Variants in C5 observed in about 807,000 individuals in gnomAD.
C5 encodes the protein C3 and PZP-like alpha-2-macroglobulin domain-containing protein 4.
A neutral mutation model predicts 218.8 loss-of-function variants in C5; 140 were observed. That is an observed-to-expected ratio of 0.64 (90% CI 0.56 to 0.74). The LOEUF (loss-of-function observed/expected upper bound fraction) is 0.74, where lower values mean the gene tolerates loss of function less well. C5 is among the 30% of genes least tolerant of loss of function. The probability of loss-of-function intolerance (pLI) is 0.00; values close to 1 mark genes in which losing one functional copy is unlikely to be tolerated. For missense variants in C5, 1,700 were observed against 1,969.6 expected (o/e 0.86, Z 2.59); for synonymous variants, 614 against 682.3 (o/e 0.90, Z 1.56).
intron 25 of C5, among the ~76,000 whole-genome samples, chr9:120,983,755 T>G (rs908875334): frequency 2.6e-4 from 39 of 151,876 alleles, no homozygotes; most frequent in African/African-American, 9.4e-4. Flanking sequence ...GAGGCTGCAG[T>G]AAGCTGAGAT....
At chr9:121,054,908 T>G (rs1001621668), upstream of C5, among the ~76,000 whole-genome samples, 1 of 152,100 alleles carries the variant, frequency 6.6e-6, no homozygotes, top group African/African-American at 2.4e-5. Context: ...CGTTTGCCAT[T>G]GATTCTCTCG....
Position 121,050,266 on chromosome 9 carries a change from C to T in C5, c.-20G>A. The T allele has an allele frequency of 6.3e-7, 1 of 1,596,396 alleles. No homozygotes were observed. Among genetic ancestry groups the T allele is most frequent in the South Asian group, 1.1e-5 (1 of 90,714 alleles). Reference sequence around the variant, plus strand: ...GCCCATGGTTGGAGGTAGCAGGAAACCACGGATATAACACTTTTGAGGATA... The same window carrying T: ...GCCCATGGTTGGAGGTAGCAGGAAATCACGGATATAACACTTTTGAGGATA... On this transcript the variant is annotated 5_prime_UTR_variant, in exon 1 of 41. Transcript: ENST00000223642.
intron 2 of C5, among the ~76,000 whole-genome samples, chr9:121,043,559 CACTT>C (rs2047599354): frequency 6.6e-6 from 1 of 151,872 alleles, no homozygotes; most frequent in Non-Finnish European, 1.5e-5. Context: ...GACGGAGTCT[CACTT>C]ACTCTGTTGC....
chr9:121,025,421 C>CACAT, intron 9 of C5, 33 bp downstream of exon 9: 1 of 1,428,096 alleles, frequency 7.0e-7, no homozygotes. Flanking sequence ...AGAAAGTATA[C>CACAT]ACACACACAC....
In C5 at chr9:121,014,149, C is replaced by CCAAGG; in HGVS notation, c.2060-80_2060-79insCCTTG. The CCAAGG allele has an allele frequency of 2.3e-6, 3 of 1,297,212 alleles. No homozygotes were observed. The South Asian group carries it at 3.6e-5, about 16-fold the overall frequency. 80.4% of individuals were successfully genotyped at this position (1,297,212 alleles called of 1,614,324 possible). ...GGCTTAGAAGGAATCTCAAGGGATA[C>CCAAGG]CTGGTTTCTGTTGCTATATGATCCC... On this transcript the variant is annotated intron_variant, in intron 16 of 40. Coordinates refer to ENST00000223642, the MANE Select transcript of C5 (RefSeq NM_001735.3).
intron 7 of C5, among the ~76,000 whole-genome samples, chr9:121,029,829 G>C (rs891174319): frequency 6.6e-6 from 1 of 152,178 alleles, no homozygotes; most frequent in Non-Finnish European, 1.5e-5. Flanking sequence ...AAGCTAGCCT[G>C]CTGGATGATG....
the C5 span, among the ~76,000 whole-genome samples, chr9:121,071,817 C>G: frequency 3.3e-5 from 5 of 151,764 alleles, no homozygotes; most frequent in African/African-American, 7.3e-5. Flanking sequence ...AACTGGGTTG[C>G]AAAAAGCTGA....
intron 30 of C5, 41 bp from the exon 31 acceptor site, chr9:120,972,033 C>T (rs1211666854): frequency 6.6e-7 from 1 of 1,521,140 alleles, no homozygotes; most frequent in Non-Finnish European, 9.1e-7. Context: ...TTTCTTTCAT[C>T]ATTTGATAGG....
chr9:120,978,370 A>T (rs1310425735), intron 28 of C5, among the ~76,000 whole-genome samples: 1 of 152,158 alleles, frequency 6.6e-6, no homozygotes, highest in Admixed American at 6.5e-5. Context: ...CCTTCCTCTC[A>T]GAGTCTCAGA....
chr9:121,048,475 G>T (rs1156598407), intron 1 of C5, among the ~76,000 whole-genome samples: 1 of 152,212 alleles, frequency 6.6e-6, no homozygotes, highest in Non-Finnish European at 1.5e-5. Context: ...AATGCCTGAT[G>T]ATCTGAAGTG....
intron 26 of C5, 49 bp from the exon 27 acceptor site, chr9:120,981,988 G>T: frequency 3.3e-6 from 4 of 1,228,792 alleles, no homozygotes; most frequent in Non-Finnish European, 3.6e-6. Context: ...TGTCTTTAAG[G>T]CGAAATGACC....
At chr9:121,003,103 C>T (rs1403055066) in intron 20 of C5, among the ~76,000 whole-genome samples, 1 of 152,112 alleles carries the variant, frequency 6.6e-6, no homozygotes, top group Non-Finnish European at 1.5e-5. Context: ...CCAGCCTGGA[C>T]CACATGGTGA....
At chr9:121,018,511 T>C (rs180795837) in intron 12 of C5, among the ~76,000 whole-genome samples, 1 of 149,480 alleles carries the variant, frequency 6.7e-6, no homozygotes, top group Non-Finnish European at 1.5e-5. Flanking sequence ...GAGGCAGAGG[T>C]TGCAGTGAGT....
Position 121,046,355 on chromosome 9 carries a change from G to A in C5, c.94C>T (p.Arg32Cys), listed in dbSNP as rs972803297. ...ACAATATTTTCAGATGCTCCAACAC[G>A]GAATATTTTTGGTGCTGAAATGACA... ...TYVISAPKIF[R>C]VGASENIVIQ... is the part of the protein sequence containing the mutation. Residue 32 changes from arginine to cysteine, a missense_variant, in exon 2 of 41, where the codon CGT becomes TGT. Coordinates refer to ENST00000223642, the MANE Select transcript of C5 (RefSeq NM_001735.3). The A allele has an allele frequency of 2.3e-5, 37 of 1,611,780 alleles. No homozygotes were observed. The Admixed American group carries it at 3.8e-4, about 17-fold the overall frequency.
chr9:120,994,673 T>C (rs979391435), intron 22 of C5, among the ~76,000 whole-genome samples: 1 of 152,156 alleles, frequency 6.6e-6, no homozygotes, highest in Admixed American at 6.5e-5. Flanking sequence ...TTTCCCTCTT[T>C]AGCTCTGCAG....
intron 20 of C5, chr9:120,999,845 A>C: frequency 2.3e-6 from 1 of 432,282 alleles, no homozygotes; most frequent in Non-Finnish European, 4.6e-6. Flanking sequence ...ATGCACTGAA[A>C]ATTTAAAGAT....
At chr9:121,063,453 C>A in the C5 span, among the ~76,000 whole-genome samples, 3 of 151,916 alleles carry the variant, frequency 2.0e-5, no homozygotes, top group Non-Finnish European at 4.4e-5. Context: ...GATGTGGTTT[C>A]TTTTAGTTAT....
the C5 span, among the ~76,000 whole-genome samples, chr9:121,068,174 G>C: frequency 6.6e-6 from 1 of 152,086 alleles, no homozygotes; most frequent in Non-Finnish European, 1.5e-5. Flanking sequence ...TCAAAAATCA[G>C]AAAGGAAGAG....
intron 20 of C5, among the ~76,000 whole-genome samples, 177 bp from the exon 21 acceptor site, chr9:120,997,951 C>T (rs1233178055): frequency 2.6e-5 from 4 of 151,996 alleles, no homozygotes; most frequent in Non-Finnish European, 5.9e-5. Flanking sequence ...TACAGGCATG[C>T]GCCACCACAC....
Sources: gnomAD v4.1 joint callset for allele counts (sites outside exome capture counted in the v4.1 genomes callset) on GRCh38, gnomAD v4.1.1 for gene constraint, MANE v1.5 for transcripts, NCBI Gene and HGNC (gene_info 2026-07-23, HGNC 2026-07-21) for gene names.